ARHGAP42: variants seen among roughly 807,000 people sequenced by gnomAD.
ARHGAP42 encodes the protein Rho GTPase activating protein 42.
Under a neutral mutation model 125.0 loss-of-function variants are expected in ARHGAP42, and 63 were observed. That is an observed-to-expected ratio of 0.50 (90% CI 0.41 to 0.62). The LOEUF (loss-of-function observed/expected upper bound fraction) is 0.62, where lower values mean the gene tolerates loss of function less well. ARHGAP42 is among the 20% of genes least tolerant of loss of function. The probability of loss-of-function intolerance (pLI) is 0.00; values close to 1 mark genes in which losing one functional copy is unlikely to be tolerated. For synonymous variants in ARHGAP42, 339 were observed against 351.0 expected, an observed-to-expected ratio of 0.97 and a Z score of 0.38; for missense variants, 766 against 1,024.2, an observed-to-expected ratio of 0.75 and a Z score of 3.44.
chr11:100,892,850 A>G (rs1313589660), intron 4 of ARHGAP42, among the ~76,000 whole-genome samples: 1 of 152,214 alleles, frequency 6.6e-6, no homozygotes, highest in Non-Finnish European at 1.5e-5. Context: ...GACTACAAGT[A>G]TAACCCGATA....
At chr11:100,921,404 G>C in intron 5 of ARHGAP42, 90 bp from the exon 6 acceptor site, 1 of 977,966 alleles carries the variant, frequency 1.0e-6, no homozygotes, top group African/African-American at 1.7e-5. Context: ...CTTTTTGTAG[G>C]AGTTACTTTT....
chr11:100,793,282 A>T (rs1175785785), intron 2 of ARHGAP42, among the ~76,000 whole-genome samples: 1 of 152,210 alleles, frequency 6.6e-6, no homozygotes, highest in Non-Finnish European at 1.5e-5. Flanking sequence ...ATGCTGTTAT[A>T]CACTCCAGTT....
chr11:100,799,911 G>A (rs1343442194), intron 3 of ARHGAP42, among the ~76,000 whole-genome samples: 2 of 152,164 alleles, frequency 1.3e-5, no homozygotes, highest in African/African-American at 4.8e-5. Flanking sequence ...TGGTTGATTG[G>A]ACAAGTGGAG....
chr11:100,714,290 A>T (rs1296049156), intron 1 of ARHGAP42, among the ~76,000 whole-genome samples: 1 of 152,230 alleles, frequency 6.6e-6, no homozygotes, highest in East Asian at 1.9e-4. Flanking sequence ...ATTGTTAATG[A>T]CATTTCATAT....
chr11:100,868,145 A>T (rs955658389), intron 4 of ARHGAP42, among the ~76,000 whole-genome samples: 3 of 152,224 alleles, frequency 2.0e-5, no homozygotes, highest in Admixed American at 6.5e-5. Flanking sequence ...ACACAGAGAC[A>T]TAAAGTGAGC....
At chr11:100,987,406 T>C (rs1293269729) in intron 22 of ARHGAP42, 107 bp from the exon 23 acceptor site, 8 of 891,882 alleles carry the variant, frequency 9.0e-6, no homozygotes, top group Non-Finnish European at 1.3e-5. Context: ...ATGTACATTA[T>C]GTTCCAATTA....
chr11:100,859,826 A>T, intron 4 of ARHGAP42: 1 of 393,960 alleles, frequency 2.5e-6, no homozygotes. Context: ...GTAGATAAGA[A>T]GCATGTTATA....
At chr11:100,870,195 T>A (rs10791428) in intron 4 of ARHGAP42, among the ~76,000 whole-genome samples, 75,412 of 151,982 alleles carry the variant, frequency 0.5, 18,913 homozygotes, top group East Asian at 0.53. Context: ...CCAGTTACTT[T>A]TAGTAAATCT....
At chr11:100,800,023 C>G (rs1298975858) in intron 3 of ARHGAP42, among the ~76,000 whole-genome samples, 1 of 152,104 alleles carries the variant, frequency 6.6e-6, no homozygotes, top group East Asian at 1.9e-4. Flanking sequence ...AGTAAGGGGA[C>G]TATGGTCAGC....
intron 2 of ARHGAP42, among the ~76,000 whole-genome samples, chr11:100,771,996 T>A (rs1862993816): frequency 2.6e-5 from 4 of 152,244 alleles, no homozygotes; most frequent in Admixed American, 2.6e-4. Context: ...GACCACGCTC[T>A]GAGAAGCAGG....
intron 1 of ARHGAP42, among the ~76,000 whole-genome samples, chr11:100,707,991 A>G (rs1213462283): frequency 1.3e-5 from 2 of 152,156 alleles, no homozygotes; most frequent in Non-Finnish European, 2.9e-5. Flanking sequence ...ATCCAATCAG[A>G]TCTATTCAGG....
chr11:100,975,650 A>G (rs770059031), intron 19 of ARHGAP42, among the ~76,000 whole-genome samples: 15 of 152,210 alleles, frequency 9.9e-5, no homozygotes, highest in Non-Finnish European at 2.2e-4. Context: ...AGAAAGCAGA[A>G]ATATGTTTTT....
intron 1 of ARHGAP42, among the ~76,000 whole-genome samples, chr11:100,741,329 C>T (rs1188334053): frequency 1.3e-5 from 2 of 152,052 alleles, no homozygotes; most frequent in Admixed American, 6.5e-5. Flanking sequence ...CCGCCCCTGG[C>T]CGAAGAAATC....
rs145112697 is a variant in ARHGAP42, at chr11:100,700,196, A to T, written c.154+12364A>T. Among the ~76,000 whole-genome samples the T allele has an allele frequency of 1.6e-3, 248 of 152,338 alleles. 1 individual carries two copies. The highest frequency in any genetic ancestry group is 2.7e-3 in the Non-Finnish European group (184 of 68,034). ...TTAAATGTGCAATAGCATTGTGTTT[A>T]AAAAATGTGCAGACCTTAATTACAG... On this transcript the variant is annotated intron_variant, in intron 1 of 23. Transcript: ENST00000298815.
chr11:100,809,937 T>A, intron 3 of ARHGAP42, among the ~76,000 whole-genome samples: 1 of 148,630 alleles, frequency 6.7e-6, no homozygotes. Flanking sequence ...CAAGACTCTG[T>A]CTCCAAAAAA....
At chr11:100,850,017 T>G (rs35997600) in intron 3 of ARHGAP42, among the ~76,000 whole-genome samples, 15,729 of 152,188 alleles carry the variant, frequency 0.1, 835 homozygotes, top group African/African-American at 0.12. Context: ...TTCTTAACCT[T>G]ACTGTAGCCG....
chr11:100,803,429 G>A (rs1422046457), intron 3 of ARHGAP42, among the ~76,000 whole-genome samples: 3 of 152,134 alleles, frequency 2.0e-5, no homozygotes, highest in African/African-American at 7.2e-5. Flanking sequence ...AGGGTGGGAG[G>A]ATAGAGCTCT....
chr11:100,866,398 G>T (rs1046516555), intron 4 of ARHGAP42, among the ~76,000 whole-genome samples: 1 of 152,108 alleles, frequency 6.6e-6, no homozygotes, highest in East Asian at 1.9e-4. Context: ...TTTCCAGAAG[G>T]TTTTCAATTT....
chr11:100,966,079 A>G (rs534745214), intron 17 of ARHGAP42, among the ~76,000 whole-genome samples: 1 of 152,022 alleles, frequency 6.6e-6, no homozygotes, highest in African/African-American at 2.4e-5. Flanking sequence ...TTTCCTCCCA[A>G]TTCTTTTAGG....
Sources: gnomAD v4.1 joint callset for allele counts (sites outside exome capture counted in the v4.1 genomes callset) on GRCh38, gnomAD v4.1.1 for gene constraint, MANE v1.5 for transcripts, NCBI Gene and HGNC (gene_info 2026-07-23, HGNC 2026-07-21) for gene names.